PLPPR4: variants seen among roughly 807,000 people sequenced by gnomAD.
PLPPR4 encodes phospholipid phosphatase-related protein type 4.
PLPPR4 carries 24 observed loss-of-function variants against 56.6 expected under a neutral mutation model. The ratio of observed to expected loss-of-function variants is 0.42; its 90% confidence interval spans 0.31 to 0.60. The LOEUF is 0.60. PLPPR4 is among the 20% of genes least tolerant of loss of function. PLPPR4 has a pLI of 0.13. For missense variants in PLPPR4, 654 were observed against 885.8 expected, an observed-to-expected ratio of 0.74 and a Z score of 3.32; for synonymous variants, 326 against 328.1, an observed-to-expected ratio of 0.99 and a Z score of 0.07.
rs534703542 is a variant in PLPPR4, at chr1:99,306,835, C to A, written c.1973C>A (p.Thr658Asn). ...HHHGITTIRV[T>N]PVEGSEIGSE... ...CACGGAATTACCACCATCCGCGTCACCCCAGTAGAGGGCAGCGAAATTGGC... is the reference window on the plus strand; with the variant it reads ...CACGGAATTACCACCATCCGCGTCAACCCAGTAGAGGGCAGCGAAATTGGC... The change falls in exon 7 of 7, where the codon ACC becomes AAC. Residue 658 changes from threonine (T) to asparagine (N), a missense_variant. Coordinates refer to ENST00000370185, the MANE Select transcript of PLPPR4 (RefSeq NM_014839.5). The surrounding 1 kb of genome is among the most constrained non-coding windows in gnomAD (Gnocchi z 4.0). 3.1e-6 allele frequency: 5 copies of A among 1,614,016 alleles called. No homozygotes were observed. The African/African-American group carries it at 4.0e-5, about 13-fold the overall frequency.
In PLPPR4 at chr1:99,299,183, G is replaced by A. The variant is rs1434346115; in HGVS notation, c.543G>A (p.Val181=). The A allele has an allele frequency of 1.2e-6, 2 of 1,613,176 alleles. No individual in the cohort carries two copies. The highest frequency in any genetic ancestry group is 1.3e-5 in the African/African-American group (1 of 74,862). The change falls in exon 4 of 7, where the codon GTG becomes GTA. Residue 181 remains valine, a synonymous_variant. Coordinates refer to ENST00000370185, the MANE Select transcript of PLPPR4 (RefSeq NM_014839.5). The part of the protein sequence containing the change: ...NVSCKENSYI[V]EDICSGSDLT... ...CTTGCAAAGAAAATTCCTACATTGT[G>A]GAAGATATTTGCTCAGGATCTGACC...
chr1:99,301,777 G>C lies in PLPPR4; in HGVS notation c.702G>C (p.Leu234Phe), dbSNP rs748367665. The C allele has an allele frequency of 3.7e-6, 6 of 1,611,910 alleles. No individual in the cohort carries two copies. The highest frequency in any genetic ancestry group is 4.2e-6 in the Non-Finnish European group (5 of 1,178,702). Residue 234 changes from leucine (L) to phenylalanine (F), a missense_variant, in exon 6 of 7, where the codon TTG becomes TTC. This residue lies in a region of PLPPR4 where 186 missense variants were observed against 331.4 expected (regional missense o/e 0.56). Coordinates refer to ENST00000370185, the MANE Select transcript of PLPPR4 (RefSeq NM_014839.5). ...TDSSKLLKPL[L>F]VFTFIICGII... ...CCTCTAAGCTTCTGAAACCTCTCTT[G>C]GTCTTCACATTTATCATCTGTGGAA...
intron 5 of PLPPR4, 24 bp from the exon 6 acceptor site, chr1:99,301,700 T>G: frequency 6.4e-7 from 1 of 1,574,496 alleles, no homozygotes; most frequent in Non-Finnish European, 8.7e-7. Context: ...CTAACATACT[T>G]AACCCATTTC....
intron 2 of PLPPR4, among the ~76,000 whole-genome samples, chr1:99,296,195 T>C (rs572557823): frequency 3.3e-4 from 50 of 152,208 alleles, no homozygotes; most frequent in Non-Finnish European, 6.8e-4. Flanking sequence ...AGATAGCCAC[T>C]AGCCACCTGT....
At chr1:99,281,314 G>A (rs1174273526) in intron 1 of PLPPR4, among the ~76,000 whole-genome samples, 1 of 152,074 alleles carries the variant, frequency 6.6e-6, no homozygotes, top group African/African-American at 2.4e-5. Context: ...GTTTCAATTT[G>A]TATCTATTCA....
At chr1:99,272,839 TC>T (rs1659092119) in intron 1 of PLPPR4, among the ~76,000 whole-genome samples, 1 of 152,106 alleles carries the variant, frequency 6.6e-6, no homozygotes, top group Non-Finnish European at 1.5e-5. Context: ...TCTCATCTGA[TC>T]CTCTAAATGC....
intron 4 of PLPPR4, among the ~76,000 whole-genome samples, chr1:99,299,932 CCAAT>C (rs1396963750): frequency 6.6e-6 from 1 of 151,932 alleles, no homozygotes; most frequent in Non-Finnish European, 1.5e-5. Context: ...GGGATAAGGG[CCAAT>C]CAATTATTGA....
At chr1:99,279,962 C>G (rs774981301) in intron 1 of PLPPR4, among the ~76,000 whole-genome samples, 5 of 152,132 alleles carry the variant, frequency 3.3e-5, no homozygotes, top group Non-Finnish European at 7.4e-5. Context: ...CTAGAAAAGA[C>G]AGATCTCAGA....
chr1:99,267,297 T>C (rs1192543128), intron 1 of PLPPR4, among the ~76,000 whole-genome samples: 7 of 152,144 alleles, frequency 4.6e-5, no homozygotes. Flanking sequence ...AAGGGAAACT[T>C]ACACTCGAGC....
chr1:99,291,425 G>T (rs1327829876), intron 2 of PLPPR4, among the ~76,000 whole-genome samples: 2 of 152,244 alleles, frequency 1.3e-5, no homozygotes, highest in Non-Finnish European at 2.9e-5. Flanking sequence ...CCATTACTGG[G>T]TATATACCCA....
rs768952470 is a variant in PLPPR4, at chr1:99,306,930, C to A, written c.2068C>A (p.Pro690Thr). The change falls in exon 7 of 7, where the codon CCT becomes ACT. Residue 690 changes from proline to threonine, a missense_variant. Physicochemically the swap from Pro to Thr is conservative, Grantham distance 38. Around this residue, in one of 2 missense-constraint regions of PLPPR4, gnomAD observed 468 missense variants for 554.3 expected, o/e 0.84. Transcript: ENST00000370185. The surrounding 1 kb of genome is among the most constrained non-coding windows in gnomAD (Gnocchi z 4.0). ...GAGAAAGGGCAATATCATTCTAATC[C>A]CTGAAAGAAGCAACAGCCCCGAAAA... ...LRRKGNIILI[P>T]ERSNSPENTR... is the part of the protein sequence containing the mutation. 11 of 1,613,856 alleles carry A rather than the reference C, an allele frequency of 6.8e-6. No individual in the cohort carries two copies. Among genetic ancestry groups the A allele is most frequent in the Admixed American group, 5.0e-5 (3 of 59,990 alleles).
intron 6 of PLPPR4, among the ~76,000 whole-genome samples, chr1:99,304,887 A>G (rs145364023): frequency 1.8e-4 from 28 of 152,282 alleles, no homozygotes; most frequent in African/African-American, 6.7e-4. Context: ...TCTATGTGCC[A>G]AAAGGGTAAT....
chr1:99,302,760 C>T (rs1056818762), intron 6 of PLPPR4, among the ~76,000 whole-genome samples: 4 of 145,514 alleles, frequency 2.7e-5, no homozygotes, highest in Admixed American at 7.1e-5. Context: ...TGAGAACATG[C>T]GGTGTTTGGT....
chr1:99,283,160 A>G (rs1659372678), intron 1 of PLPPR4, among the ~76,000 whole-genome samples: 1 of 152,024 alleles, frequency 6.6e-6, no homozygotes, highest in Non-Finnish European at 1.5e-5. Flanking sequence ...TAAATGGATG[A>G]GGCACCAATA....
chr1:99,296,944 A>T, intron 3 of PLPPR4, 77 bp downstream of exon 3: 5 of 1,287,534 alleles, frequency 3.9e-6, no homozygotes, highest in Non-Finnish European at 5.1e-6. Flanking sequence ...ATAGATATTA[A>T]GTCTCGTACG....
At chr1:99,266,924 G>A (rs765756790) in intron 1 of PLPPR4, among the ~76,000 whole-genome samples, 1 of 152,218 alleles carries the variant, frequency 6.6e-6, no homozygotes, top group Non-Finnish European at 1.5e-5. Context: ...TTCGTAGGAT[G>A]AATAAACATA....
rs921870453 is a variant in PLPPR4, at chr1:99,307,305, A to G, written c.*295A>G. 8.9e-6 allele frequency: 3 copies of G among 336,698 alleles called. No individual in the cohort carries two copies. Among genetic ancestry groups the G allele is most frequent in the East Asian group, 1.0e-4 (2 of 19,380 alleles). 20.9% of individuals were successfully genotyped at this position (336,698 alleles called of 1,614,324 possible). ...TATCAAAAGAAAGTGGTTTTCTTCA[A>G]ATGTATACTATTTTACTTCCTGAAT... is the stretch of plus-strand genomic sequence containing the variant. On this transcript the variant is annotated 3_prime_UTR_variant, in exon 7 of 7. Coordinates refer to ENST00000370185, the MANE Select transcript of PLPPR4 (RefSeq NM_014839.5).
At chr1:99,279,276 C>T (rs1659265228) in intron 1 of PLPPR4, among the ~76,000 whole-genome samples, 1 of 152,030 alleles carries the variant, frequency 6.6e-6, no homozygotes, top group Non-Finnish European at 1.5e-5. Context: ...TCTGTATGGT[C>T]AGAGAAAGTG....
chr1:99,301,613 G>A, intron 5 of PLPPR4, 111 bp from the exon 6 acceptor site: 2 of 685,040 alleles, frequency 2.9e-6, no homozygotes, highest in Non-Finnish European at 2.4e-6. Flanking sequence ...AAGAGGGGGT[G>A]AAACAGTAAA....
Sources: gnomAD v4.1 joint callset for allele counts (sites outside exome capture counted in the v4.1 genomes callset) on GRCh38, gnomAD v4.1.1 for gene constraint, gnomAD v4.1.1 regional missense constraint, Gnocchi (gnomAD v3.1) non-coding constraint, MANE v1.5 for transcripts, NCBI Gene and HGNC (gene_info 2026-07-23, HGNC 2026-07-21) for gene names.